Variants in PRKD1 observed in about 807,000 individuals in gnomAD.
PRKD1 encodes the protein protein kinase D1.
Under a neutral mutation model 95.9 loss-of-function variants are expected in PRKD1, and 63 were observed. The ratio of observed to expected loss-of-function variants is 0.66; its 90% CI spans 0.54 to 0.81. The LOEUF is 0.81. Ranked by LOEUF, PRKD1 falls within the 30% of genes least tolerant of loss-of-function variation. The probability of loss-of-function intolerance (pLI) is 0.00; values close to 1 mark genes in which losing one functional copy is unlikely to be tolerated. For synonymous variants in PRKD1, 425 were observed against 423.1 expected (o/e 1.00, Z -0.05); for missense variants, 1,048 against 1,165.3 (o/e 0.90, Z 1.47).
intron 1 of PRKD1, among the ~76,000 whole-genome samples, chr14:29,808,367 G>A (rs934335523): frequency 2.0e-5 from 2 of 100,384 alleles, no homozygotes; most frequent in Non-Finnish European, 3.9e-5. Flanking sequence ...CTACTTTCAG[G>A]CTCTACTTTT....
chr14:29,777,900 C>T (rs1888847605), intron 1 of PRKD1, among the ~76,000 whole-genome samples: 1 of 152,146 alleles, frequency 6.6e-6, no homozygotes, highest in Non-Finnish European at 1.5e-5. Context: ...GGAAGTAAAG[C>T]ACTCCTCAGC....
chr14:29,638,506 T>A lies in PRKD1; in HGVS notation c.968A>T (p.Glu323Val), dbSNP rs371303320. ...APKVPNNCLG[E>V]VTINGDLLSP... ...TTACCTACCTCCATTAATGGTCACT[T>A]CGCCAAGGCAGTTGTTTGGTACTTT... The change falls in exon 6 of 18, where the codon GAA (glutamate) becomes GTA (valine). Residue 323 changes from glutamate to valine, a missense_variant. By Grantham distance (121) the Glu-to-Val change is moderately radical (BLOSUM62 -2). Coordinates refer to ENST00000331968, the MANE Select transcript of PRKD1 (RefSeq NM_002742.3). 1.2e-6 allele frequency: 2 copies of A among 1,614,082 alleles called. No individual in the cohort carries two copies. Among genetic ancestry groups the A allele is most frequent in the African/African-American group, 1.3e-5 (1 of 74,942 alleles).
At chr14:29,837,313 T>A (rs941914254) in intron 1 of PRKD1, among the ~76,000 whole-genome samples, 10 of 152,214 alleles carry the variant, frequency 6.6e-5, no homozygotes, top group Admixed American at 6.5e-4. Context: ...CAGCATGAAG[T>A]ACATGACTGA....
At chr14:29,830,588 T>C (rs909380712) in intron 1 of PRKD1, among the ~76,000 whole-genome samples, 3 of 152,130 alleles carry the variant, frequency 2.0e-5, no homozygotes, top group Non-Finnish European at 2.9e-5. Context: ...ACAAAGTCTA[T>C]CTTTTAATCA....
At chr14:29,896,635 T>C (rs1217063709) in intron 1 of PRKD1, among the ~76,000 whole-genome samples, 3 of 151,478 alleles carry the variant, frequency 2.0e-5, no homozygotes, top group Non-Finnish European at 4.4e-5. Flanking sequence ...TATCTGTCAT[T>C]AAGATGGCCA....
chr14:29,656,539 T>C, intron 4 of PRKD1: 2 of 1,529,356 alleles, frequency 1.3e-6, no homozygotes, highest in Non-Finnish European at 1.8e-6. Context: ...CAGGCAAAGG[T>C]GCAGAATCAA....
chr14:29,672,781 C>T (rs1270959753), intron 2 of PRKD1, among the ~76,000 whole-genome samples: 3 of 151,952 alleles, frequency 2.0e-5, no homozygotes, highest in African/African-American at 7.3e-5. Flanking sequence ...TACTAACATT[C>T]AAGGAGAGAT....
intron 13 of PRKD1, among the ~76,000 whole-genome samples, chr14:29,614,626 TATAATA>T (rs1878718124): frequency 1.3e-5 from 2 of 152,230 alleles, no homozygotes; most frequent in South Asian, 4.1e-4. Flanking sequence ...TGACAACAGT[TATAATA>T]ATAAATTAGT....
intron 1 of PRKD1, among the ~76,000 whole-genome samples, chr14:29,869,017 A>G (rs45450198): frequency 2.6e-5 from 4 of 152,222 alleles, no homozygotes; most frequent in Admixed American, 2.6e-4. Context: ...AGCCACTAGT[A>G]CCATTATGAA....
intron 4 of PRKD1, among the ~76,000 whole-genome samples, chr14:29,645,305 T>A (rs73255548): frequency 6.6e-6 from 1 of 152,246 alleles, no homozygotes. Context: ...AGCTTGTCTG[T>A]GCTTAGATGA....
intron 2 of PRKD1, among the ~76,000 whole-genome samples, chr14:29,721,421 A>G (rs1357152946): frequency 6.6e-6 from 1 of 152,214 alleles, no homozygotes; most frequent in East Asian, 1.9e-4. Context: ...TCTAGTCTCT[A>G]TTTAACTACC....
chr14:29,909,596 A>G (rs1221696381), intron 1 of PRKD1, among the ~76,000 whole-genome samples: 1 of 152,052 alleles, frequency 6.6e-6, no homozygotes, highest in Admixed American at 6.6e-5. Flanking sequence ...GTATCTGGCT[A>G]ATCTGGTGGG....
At chr14:29,584,560 A>G (rs1445147793) in intron 16 of PRKD1, among the ~76,000 whole-genome samples, 1 of 152,130 alleles carries the variant, frequency 6.6e-6, no homozygotes, top group Non-Finnish European at 1.5e-5. Context: ...CATAAGTTTT[A>G]TAAATATTTA....
chr14:29,775,298 T>G (rs1487010817), intron 1 of PRKD1, among the ~76,000 whole-genome samples: 1 of 152,044 alleles, frequency 6.6e-6, no homozygotes, highest in Non-Finnish European at 1.5e-5. Context: ...AGACAGTGGG[T>G]GCAGGACAGT....
intron 1 of PRKD1, among the ~76,000 whole-genome samples, chr14:29,888,693 G>T (rs992910572): frequency 6.6e-6 from 1 of 152,034 alleles, no homozygotes; most frequent in Non-Finnish European, 1.5e-5. Flanking sequence ...GAAAGTAGAG[G>T]AGTCATGCAA....
chr14:29,624,140 C>A lies in PRKD1; in HGVS notation c.1905+12G>T, dbSNP rs377484858. 4.1e-5 allele frequency: 64 copies of A among 1,571,474 alleles called. 2 individuals carry two copies. The African/African-American group carries it at 7.9e-4, about 19-fold the overall frequency. ...TTTATACCCTTTCCCCAAATGAGAACCAAAGAAGTACCTGTAGAATTGCAA... is the reference window on the plus strand; with the variant it reads ...TTTATACCCTTTCCCCAAATGAGAAACAAAGAAGTACCTGTAGAATTGCAA... On this transcript the variant is annotated intron_variant, in intron 13 of 17. Coordinates refer to ENST00000331968, the MANE Select transcript of PRKD1 (RefSeq NM_002742.3).
At chr14:29,889,156 A>G (rs1274658751) in intron 1 of PRKD1, among the ~76,000 whole-genome samples, 1 of 152,210 alleles carries the variant, frequency 6.6e-6, no homozygotes, top group Non-Finnish European at 1.5e-5. Flanking sequence ...ATAAGCGTCT[A>G]AAGTTCAAGA....
At chr14:29,630,450 T>C (rs1017807594) in intron 10 of PRKD1, 1 of 296,720 alleles carries the variant, frequency 3.4e-6, no homozygotes, top group Non-Finnish European at 6.2e-6. Flanking sequence ...GATTACTTCT[T>C]CTTTTATAAC....
intron 1 of PRKD1, among the ~76,000 whole-genome samples, chr14:29,880,706 G>A (rs190596778): frequency 2.2e-4 from 33 of 152,320 alleles, no homozygotes; most frequent in Admixed American, 8.5e-4. Context: ...AACCAGGAGA[G>A]AGGCTGTACC....
Sources: allele counts gnomAD v4.1 joint callset (sites outside exome capture counted in the v4.1 genomes callset), GRCh38; gene constraint gnomAD v4.1.1; transcripts MANE v1.5; gene names NCBI Gene and HGNC (gene_info 2026-07-23, HGNC 2026-07-21).